Variants in MEMO1 observed in about 807,000 individuals in gnomAD.
MEMO1 encodes protein MEMO1.
Under a neutral mutation model 45.2 loss-of-function variants are expected in MEMO1, and 6 were observed. The observed-to-expected ratio is 0.13, with a 90% CI of 0.07 to 0.26. The LOEUF is 0.26. Among genes scored for constraint, MEMO1 ranks in the 10% least tolerant of loss-of-function variants. The pLI, the probability that MEMO1 is intolerant of heterozygous loss-of-function variation, is 1.00. For missense variants in MEMO1, 184 were observed against 370.5 expected (o/e 0.50, Z 4.13); for synonymous variants, 78 against 124.3 (o/e 0.63, Z 2.48).
intron 2 of MEMO1, among the ~76,000 whole-genome samples, chr2:31,996,112 C>T (rs1313384350): frequency 6.6e-6 from 1 of 151,534 alleles, no homozygotes; most frequent in Non-Finnish European, 1.5e-5. Flanking sequence ...ATACATAAAA[C>T]AGCCAGGCAT....
At chr2:31,982,914 T>C (rs1670823745) in intron 2 of MEMO1, among the ~76,000 whole-genome samples, 3 of 151,072 alleles carry the variant, frequency 2.0e-5, no homozygotes, top group African/African-American at 7.3e-5. Context: ...TGGATTAGAG[T>C]TGGAGAAATG....
intron 2 of MEMO1, among the ~76,000 whole-genome samples, chr2:31,945,213 A>G (rs1666057328): frequency 6.6e-6 from 1 of 152,188 alleles, no homozygotes; most frequent in Non-Finnish European, 1.5e-5. Context: ...GTTGCCCTAA[A>G]TCATTCATTT....
intron 2 of MEMO1, among the ~76,000 whole-genome samples, chr2:31,948,959 T>C (rs774295357): frequency 1.3e-5 from 2 of 152,082 alleles, no homozygotes; most frequent in South Asian, 2.1e-4. Flanking sequence ...AAAATCTTAA[T>C]AGACATTTCT....
intron 7 of MEMO1, among the ~76,000 whole-genome samples, chr2:31,886,728 G>A (rs947243448): frequency 2.6e-5 from 4 of 152,118 alleles, no homozygotes; most frequent in African/African-American, 9.7e-5. Context: ...TGGAGAACTG[G>A]ACTTTTGTAC....
At chr2:31,995,372 T>C (rs1196759921) in intron 2 of MEMO1, among the ~76,000 whole-genome samples, 1 of 152,138 alleles carries the variant, frequency 6.6e-6, no homozygotes, top group Non-Finnish European at 1.5e-5. Context: ...GCACATCGCT[T>C]GAACCTGGGA....
In MEMO1 at chr2:31,918,055, T is replaced by C; in HGVS notation, c.326-18A>G. 1 of 1,540,262 alleles carries C rather than the reference T, an allele frequency of 6.5e-7. No homozygotes were observed. Among genetic ancestry groups the C allele is most frequent in the Admixed American group, 1.7e-5 (1 of 58,312 alleles). ...TCCGTAAACTAAAGAGATTTCAAAA[T>C]ACAGTAAAATAAATATATTAATGTA... On this transcript the variant is annotated intron_variant, in intron 5 of 9. Coordinates refer to ENST00000404530, the MANE Select transcript of MEMO1 (RefSeq NM_001301833.4).
chr2:31,969,427 ATATGTGTGTG>A (rs1669042679), intron 2 of MEMO1, among the ~76,000 whole-genome samples: 1 of 51,122 alleles, frequency 2.0e-5, no homozygotes, highest in Non-Finnish European at 5.2e-5. Flanking sequence ...ATATATACAT[ATATGTGTGTG>A]TATACGCATA....
At chr2:31,953,366 CA>C (rs1227298943) in intron 2 of MEMO1, among the ~76,000 whole-genome samples, 13,928 of 72,666 alleles carry the variant, frequency 0.19, 458 homozygotes, top group Middle Eastern at 0.29. Context: ...AACTCCGTCT[CA>C]AAAAAAAAAA....
intron 2 of MEMO1, among the ~76,000 whole-genome samples, chr2:31,970,990 C>A (rs1475247179): frequency 6.6e-6 from 1 of 152,092 alleles, no homozygotes; most frequent in African/African-American, 2.4e-5. Flanking sequence ...GGTGACAGAG[C>A]GAGACTCCAT....
chr2:31,893,854 T>C (rs1334442992), intron 6 of MEMO1, among the ~76,000 whole-genome samples: 1 of 152,214 alleles, frequency 6.6e-6, no homozygotes, highest in Non-Finnish European at 1.5e-5. Context: ...CTTACAAATC[T>C]ATCTGTAAGG....
intron 4 of MEMO1, among the ~76,000 whole-genome samples, chr2:31,925,283 T>TG (rs2148204989): frequency 1.3e-5 from 2 of 152,106 alleles, no homozygotes; most frequent in East Asian, 3.9e-4. Context: ...CGAGACCATC[T>TG]GGCTAACATG....
Position 32,004,645 on chromosome 2 carries a change from G to A in MEMO1, c.61+5542C>T, listed in dbSNP as rs141754647. On this transcript the variant is annotated intron_variant, in intron 2 of 9. Coordinates refer to ENST00000404530, the MANE Select transcript of MEMO1 (RefSeq NM_001301833.4). The stretch of plus-strand genomic sequence containing the variant: ...CTACTAAAACTTATCACATGGGGCC[G>A]GGCACAGTGGCTCACACCTGTAATC... 6.0e-3 allele frequency among the ~76,000 whole-genome samples: 916 copies of A among 152,150 alleles called. 12 individuals are homozygous for A. Among genetic ancestry groups the A allele is most frequent in the African/African-American group, 0.021 (857 of 41,494 alleles).
intron 2 of MEMO1, among the ~76,000 whole-genome samples, chr2:31,980,703 C>G (rs1670534207): frequency 1.3e-5 from 2 of 152,142 alleles, no homozygotes; most frequent in South Asian, 4.1e-4. Context: ...AACTCTCCCA[C>G]TGAGAACGTC....
chr2:31,963,236 T>C (rs1668231854), intron 2 of MEMO1: 2 of 1,546,744 alleles, frequency 1.3e-6, no homozygotes, highest in Non-Finnish European at 1.7e-6. Context: ...CCCTCCATAA[T>C]GGCATGAGTC....
At chr2:31,889,180 T>A (rs1227549291) in intron 7 of MEMO1, among the ~76,000 whole-genome samples, 1 of 152,112 alleles carries the variant, frequency 6.6e-6, no homozygotes, top group Admixed American at 6.6e-5. Flanking sequence ...GTGTAGTCAC[T>A]GCCAGTAATC....
chr2:32,004,624 T>C (rs1673814113), intron 2 of MEMO1, among the ~76,000 whole-genome samples: 2 of 152,104 alleles, frequency 1.3e-5, no homozygotes. Flanking sequence ...CAGAATCTAC[T>C]AAAACTTATC....
intron 3 of MEMO1, among the ~76,000 whole-genome samples, chr2:31,935,025 C>G (rs947297144): frequency 8.5e-5 from 13 of 152,138 alleles, no homozygotes; most frequent in African/African-American, 3.1e-4. Context: ...TGACTACTTC[C>G]TATGTATCAG....
At chr2:31,995,227 G>GA (rs1377070531) in intron 2 of MEMO1, among the ~76,000 whole-genome samples, 3 of 152,092 alleles carry the variant, frequency 2.0e-5, no homozygotes, top group African/African-American at 7.2e-5. Flanking sequence ...CGAGGCGGGT[G>GA]AATCACTTGA....
chr2:31,927,968 C>T (rs1218042945), intron 4 of MEMO1, among the ~76,000 whole-genome samples: 1 of 152,174 alleles, frequency 6.6e-6, no homozygotes, highest in Non-Finnish European at 1.5e-5. Flanking sequence ...ATCTCACCTA[C>T]CAATTTAGCA....
Sources: gnomAD v4.1 joint callset for allele counts (sites outside exome capture counted in the v4.1 genomes callset) on GRCh38, gnomAD v4.1.1 for gene constraint, MANE v1.5 for transcripts, NCBI Gene and HGNC (gene_info 2026-07-23, HGNC 2026-07-21) for gene names.